APBA2: variants seen among roughly 807,000 people sequenced by gnomAD.
APBA2 encodes the protein amyloid beta precursor protein binding family A member 2, also known as amyloid-beta A4 precursor protein-binding family A member 2.
In APBA2, 30 loss-of-function variants were observed where a neutral mutation model predicts 75.0. The ratio of observed to expected loss-of-function variants is 0.40; its 90% confidence interval spans 0.30 to 0.54. The LOEUF (loss-of-function observed/expected upper bound fraction) is 0.54, where lower values mean the gene tolerates loss of function less well. Ranked by LOEUF, APBA2 falls within the 20% of genes least tolerant of loss-of-function variation. The pLI, the probability that APBA2 is intolerant of heterozygous loss-of-function variation, is 0.49. For synonymous variants in APBA2, 444 were observed against 409.6 expected, an observed-to-expected ratio of 1.08 and a Z score of -1.01; for missense variants, 801 against 1,016.1, an observed-to-expected ratio of 0.79 and a Z score of 2.88.
In APBA2 at chr15:29,054,006, A is replaced by C. The variant is rs776598599; in HGVS notation, c.122A>C (p.Tyr41Ser). 1 of 1,613,922 alleles carries C rather than the reference A, an allele frequency of 6.2e-7. No individual in the cohort carries two copies. Among genetic ancestry groups the C allele is most frequent in the African/African-American group, 1.3e-5 (1 of 75,032 alleles). ...SEDMELPLEG[Y>S]VPEGLELAAL... ...GACATGGAGCTGCCCTTGGAGGGCT[A>C]TGTGCCCGAGGGCCTGGAGCTGGCT... Residue 41 changes from tyrosine (Y) to serine (S), a missense_variant, in exon 4 of 15, where the codon TAT (tyrosine) becomes TCT (serine). Coordinates refer to ENST00000683413, the MANE Select transcript of APBA2 (RefSeq NM_001353788.2). The surrounding 1 kb of genome is among the most constrained non-coding windows in gnomAD (Gnocchi z 6.1).
rs72625151 is a variant in APBA2, at chr15:28,991,175, C to A, written c.-94-4578C>A. Among the ~76,000 whole-genome samples the A allele has an allele frequency of 6.6e-6, 1 of 152,104 alleles. No homozygotes were observed. The highest frequency in any genetic ancestry group is 6.5e-5 in the Admixed American group (1 of 15,282). ...TTTGGTATCCACCCCAAGGGCCCTC[C>A]TCTGCCTGTCTCAGCACCATCTCTG... On this transcript the variant is annotated intron_variant, in intron 2 of 14. Coordinates refer to ENST00000683413, the MANE Select transcript of APBA2 (RefSeq NM_001353788.2). The surrounding 1 kb of genome is among the most constrained non-coding windows in gnomAD (Gnocchi z 4.7).
Position 29,037,397 on chromosome 15 carries a change from C to A in APBA2, c.-40-16448C>A, listed in dbSNP as rs543858594. On this transcript the variant is annotated intron_variant, in intron 3 of 14. Coordinates refer to ENST00000683413, the MANE Select transcript of APBA2 (RefSeq NM_001353788.2). ...ATGGTTCTAGGGACCAGGCAAACAG[C>A]CTGGGGTGAGTTACCAGAAGGATGA... Among the ~76,000 whole-genome samples, 3 of 152,252 alleles carry A rather than the reference C, an allele frequency of 2.0e-5. No individual in the cohort carries two copies. The South Asian group carries it at 6.2e-4, about 32-fold the overall frequency.
chr15:28,970,553 C>T (rs2037010910), intron 2 of APBA2: 1 of 150,032 alleles, frequency 6.7e-6, no homozygotes, highest in African/African-American at 2.4e-5. Flanking sequence ...TATTATTCTT[C>T]CTATTACTAT....
rs561033889 is a variant in APBA2, at chr15:29,076,551, A to C, written c.1069+460A>C. On this transcript the variant is annotated intron_variant, in intron 6 of 14. Coordinates refer to ENST00000683413, the MANE Select transcript of APBA2 (RefSeq NM_001353788.2). The stretch of plus-strand genomic sequence containing the variant: ...ATTCAGTAAAGAATGAAACTGGTCG[A>C]TATGTTCTGTGTCACTCTTGGGGAT... 3.3e-5 allele frequency among the ~76,000 whole-genome samples: 5 copies of C among 151,268 alleles called. No individual in the cohort carries two copies. The East Asian group carries it at 9.7e-4, about 29-fold the overall frequency.
rs2043958383 is a variant in APBA2 at position 29,098,470 on chromosome 15, A to G, written c.1252-20A>G. ...CCGAGTTGGTTTTTGGACTTTAACA[A>G]TATCCACTGTCCTTCTTAGAATTCT... On this transcript the variant is annotated intron_variant, in intron 8 of 14. Coordinates refer to ENST00000683413, the MANE Select transcript of APBA2 (RefSeq NM_001353788.2). 2 of 1,600,420 alleles carry G rather than the reference A, an allele frequency of 1.2e-6. No individual in the cohort carries two copies. The highest frequency in any genetic ancestry group is 1.1e-5 in the South Asian group (1 of 90,810).
chr15:28,972,237 C>T (rs2037105388), intron 2 of APBA2, among the ~76,000 whole-genome samples: 2 of 152,124 alleles, frequency 1.3e-5, no homozygotes, highest in African/African-American at 4.8e-5. Context: ...TCCAATTTAC[C>T]TGTAATTGGT....
intron 2 of APBA2, among the ~76,000 whole-genome samples, chr15:28,945,882 C>G (rs538207614): frequency 6.6e-6 from 1 of 152,260 alleles, no homozygotes; most frequent in African/African-American, 2.4e-5. Flanking sequence ...GTGTTTACAG[C>G]CGTCTTAGAT....
chr15:29,038,312 C>A (rs1446326221), intron 3 of APBA2, among the ~76,000 whole-genome samples: 1 of 152,236 alleles, frequency 6.6e-6, no homozygotes, highest in Non-Finnish European at 1.5e-5. Flanking sequence ...TCCAAGTGAC[C>A]TATCTTCCGA....
In APBA2 at chr15:28,940,101, G is replaced by A. The variant is rs79337097; in HGVS notation, c.-95+18352G>A. Among the ~76,000 whole-genome samples the A allele has an allele frequency of 1.1e-3, 165 of 152,284 alleles. 1 individual carries two copies. The highest frequency in any genetic ancestry group is 3.9e-3 in the African/African-American group (161 of 41,552). ...CATTGTTATTCCTAGCATGTTTTGT[G>A]TGTAACGTGAGATGAAGCAAATGAT... On this transcript the variant is annotated intron_variant, in intron 2 of 14. Transcript: ENST00000683413.
chr15:28,903,121 A>C (rs907232269), intron 1 of APBA2, among the ~76,000 whole-genome samples: 1 of 152,064 alleles, frequency 6.6e-6, no homozygotes, highest in African/African-American at 2.4e-5. Flanking sequence ...GCCAGGTTCC[A>C]TGGGTCTGAT....
intron 2 of APBA2, among the ~76,000 whole-genome samples, chr15:28,939,523 G>A (rs1277968562): frequency 1.3e-5 from 2 of 152,104 alleles, no homozygotes; most frequent in African/African-American, 4.8e-5. Context: ...CAGCACTTGT[G>A]TTTTCATTTT....
In APBA2 at chr15:29,029,169, T is replaced by G. The variant is rs147685673; in HGVS notation, c.-40-24676T>G. On this transcript the variant is annotated intron_variant, in intron 3 of 14. Transcript: ENST00000683413. ...TTACATTTAAGTCTTTAATCCATCT[T>G]GAGTTAATTTTTGTATGAGGTGTAA... is the stretch of plus-strand genomic sequence containing the variant. 1.9e-3 allele frequency among the ~76,000 whole-genome samples: 295 copies of G among 152,198 alleles called. 3 individuals carry two copies. Among genetic ancestry groups the G allele is most frequent in the African/African-American group, 3.5e-3 (145 of 41,536 alleles).
intron 7 of APBA2, among the ~76,000 whole-genome samples, 180 bp downstream of exon 7, chr15:29,093,400 A>G (rs573775475): frequency 6.6e-6 from 1 of 152,346 alleles, no homozygotes; most frequent in South Asian, 2.1e-4. Flanking sequence ...GCTGGGAGAA[A>G]GCTGGCTGGG....
At chr15:28,965,115 C>T (rs2036672556) in intron 2 of APBA2, among the ~76,000 whole-genome samples, 1 of 151,116 alleles carries the variant, frequency 6.6e-6, no homozygotes, top group Non-Finnish European at 1.5e-5. Flanking sequence ...ATATTTAAGT[C>T]CTTGATTCAT....
chr15:28,940,386 A>C (rs1007710303), intron 2 of APBA2, among the ~76,000 whole-genome samples: 24 of 127,186 alleles, frequency 1.9e-4, no homozygotes, highest in Non-Finnish European at 9.4e-5. Flanking sequence ...AAAAAAAAAA[A>C]ATAGCGGGGC....
intron 2 of APBA2, among the ~76,000 whole-genome samples, chr15:28,989,261 C>T (rs1224460520): frequency 6.6e-6 from 1 of 152,100 alleles, no homozygotes; most frequent in Non-Finnish European, 1.5e-5. Flanking sequence ...GCCACATTGC[C>T]AGGGTTAAAT....
At chr15:28,986,177 A>G (rs948637381) in intron 2 of APBA2, among the ~76,000 whole-genome samples, 2 of 152,166 alleles carry the variant, frequency 1.3e-5, no homozygotes, top group Admixed American at 1.3e-4. Context: ...CCTGGAGGAG[A>G]GAAGCCATTC....
chr15:29,041,319 GTAAA>G (rs912444015), intron 3 of APBA2, among the ~76,000 whole-genome samples: 215 of 151,852 alleles, frequency 1.4e-3, no homozygotes, highest in African/African-American at 5.0e-3. Flanking sequence ...AAATAAATAA[GTAAA>G]TAAATAAAAT....
intron 6 of APBA2, among the ~76,000 whole-genome samples, chr15:29,089,346 A>G (rs556117793): frequency 4.6e-5 from 7 of 152,294 alleles, no homozygotes; most frequent in African/African-American, 1.7e-4. Flanking sequence ...GAACTGTACC[A>G]TTGTTGCACA....
Sources: gnomAD v4.1 joint callset for allele counts (sites outside exome capture counted in the v4.1 genomes callset) on GRCh38, gnomAD v4.1.1 for gene constraint, Gnocchi (gnomAD v3.1) non-coding constraint, MANE v1.5 for transcripts, NCBI Gene and HGNC (gene_info 2026-07-23, HGNC 2026-07-21) for gene names.